The following PDE3B variants were observed in gnomAD, a reference collection of about 807,000 sequenced individuals.
PDE3B encodes phosphodiesterase 3B, also known as cGMP-inhibited 3',5'-cyclic phosphodiesterase 3B.
PDE3B carries 66 observed loss-of-function variants against 116.8 expected under a neutral mutation model. That is an observed-to-expected ratio of 0.56 (90% confidence interval 0.46 to 0.69). The LOEUF (loss-of-function observed/expected upper bound fraction) is 0.69. Ranked by LOEUF, PDE3B falls within the 30% of genes least tolerant of loss-of-function variation. PDE3B has a pLI of 0.00. For synonymous variants in PDE3B, 595 were observed against 533.6 expected (o/e 1.12, Z -1.59); for missense variants, 1,384 against 1,368.1 (o/e 1.01, Z -0.18).
Position 14,832,584 on chromosome 11 carries a change from G to A in PDE3B, c.2095-138G>A, listed in dbSNP as rs531853165. 38 of 404,100 alleles carry A rather than the reference G, an allele frequency of 9.4e-5. No homozygotes were observed. In the South Asian group the frequency reaches 2.3e-3, roughly 25 times the overall value. The allele number at this position is 404,100 out of a possible 1,614,324, so 25.0% of individuals were successfully genotyped here. ...ATTTTTTTGAAAGAATTAATTGTAG[G>A]CAAGTTTTAAATAAATTATTAAAGA... is the stretch of plus-strand genomic sequence containing the variant. On this transcript the variant is annotated intron_variant, in intron 9 of 15. Transcript: ENST00000282096.
intron 7 of PDE3B, among the ~76,000 whole-genome samples, chr11:14,827,333 A>T (rs1859727682): frequency 6.6e-6 from 1 of 152,156 alleles, no homozygotes; most frequent in South Asian, 2.1e-4. Flanking sequence ...ATCAGGAAAG[A>T]GAAAGAAATA....
At chr11:14,830,672 A>G in intron 7 of PDE3B, 26 bp from the exon 8 acceptor site, 1 of 1,190,212 alleles carries the variant, frequency 8.4e-7, no homozygotes, top group Non-Finnish European at 1.2e-6. Context: ...TTACTCCTAT[A>G]TATTACTATA....
chr11:14,838,961 T>C (rs1459292337), intron 11 of PDE3B, among the ~76,000 whole-genome samples: 1 of 152,202 alleles, frequency 6.6e-6, no homozygotes, highest in Non-Finnish European at 1.5e-5. Context: ...TGTTAAGATG[T>C]TGAAATGGGG....
rs1205249986 is a variant in PDE3B at position 14,786,490 on chromosome 11, T to C, written c.1083T>C (p.Asn361=). 6.2e-7 allele frequency: 1 copy of C among 1,612,134 alleles called. No homozygotes were observed. Among genetic ancestry groups the C allele is most frequent in the Non-Finnish European group, 8.5e-7 (1 of 1,178,502 alleles). Residue 361 remains asparagine, a synonymous_variant, in exon 3 of 16, where the codon AAT becomes AAC. Coordinates refer to ENST00000282096, the MANE Select transcript of PDE3B (RefSeq NM_000922.4). Reference sequence around the variant, plus strand: ...TTTCAGTGCTAAATGAGGCTCGCAATATGGTGTCAGATCTTCTGACTGATC... The same window carrying C: ...TTTCAGTGCTAAATGAGGCTCGCAACATGGTGTCAGATCTTCTGACTGATC... ...VDLSVLNEAR[N]MVSDLLTDPS... is the part of the protein sequence containing the mutation.
intron 1 of PDE3B, among the ~76,000 whole-genome samples, chr11:14,712,148 C>T (rs546354180): frequency 6.0e-4 from 91 of 152,244 alleles, no homozygotes; most frequent in African/African-American, 2.0e-3. Context: ...TGCGGTAATG[C>T]GATCATAGCT....
chr11:14,845,757 A>C (rs1847585359), intron 12 of PDE3B, among the ~76,000 whole-genome samples: 1 of 152,234 alleles, frequency 6.6e-6, no homozygotes, highest in Non-Finnish European at 1.5e-5. Context: ...AGATGAAACG[A>C]ATGAAATGAA....
chr11:14,809,880 C>A (rs1017531942), intron 5 of PDE3B, among the ~76,000 whole-genome samples: 1 of 138,946 alleles, frequency 7.2e-6, no homozygotes, highest in Non-Finnish European at 1.6e-5. Flanking sequence ...TACAAATTGC[C>A]CAGACTAAAG....
rs111280188 is a variant in PDE3B at position 14,690,616 on chromosome 11, C to CTT, written c.978+45578_978+45579dup. Among the ~76,000 whole-genome samples, 6 of 134,272 alleles carry CTT rather than the reference C, an allele frequency of 4.5e-5. No individual in the cohort carries two copies. In the South Asian group the frequency reaches 7.2e-4, roughly 16 times the overall value. 88.1% of individuals were successfully genotyped at this position (134,272 alleles called of 152,430 possible). ...AATTTTGTATTTGTAATTTTGCTTC[C>CTT]TTTTTTTTTTTTTTTTAAAGAAGGC... On this transcript the variant is annotated intron_variant, in intron 1 of 15. Transcript: ENST00000282096.
intron 1 of PDE3B, among the ~76,000 whole-genome samples, chr11:14,756,800 T>TTTTC (rs369252392): frequency 1.9e-5 from 1 of 53,290 alleles, no homozygotes; most frequent in African/African-American, 1.1e-4. Context: ...TTTTAAGTGC[T>TTTTC]TATTTTTTTT....
chr11:14,762,455 T>C (rs1857388280), intron 1 of PDE3B, among the ~76,000 whole-genome samples: 1 of 152,230 alleles, frequency 6.6e-6, no homozygotes, highest in African/African-American at 2.4e-5. Context: ...TTATTGAACT[T>C]TCCTGGCCTG....
At chr11:14,710,474 G>T (rs1488228687) in intron 1 of PDE3B, among the ~76,000 whole-genome samples, 2 of 152,116 alleles carry the variant, frequency 1.3e-5, no homozygotes, top group Non-Finnish European at 2.9e-5. Flanking sequence ...ATAATGGTAG[G>T]TTCACGTCTG....
At chr11:14,701,011 A>G (rs1190005328) in intron 1 of PDE3B, 4 of 151,728 alleles carry the variant, frequency 2.6e-5, no homozygotes, top group Non-Finnish European at 5.9e-5. Flanking sequence ...CTGAGTGCCT[A>G]TCATGTACAT....
the PDE3B span, among the ~76,000 whole-genome samples, chr11:14,882,655 T>C: frequency 2.0e-5 from 3 of 152,008 alleles, no homozygotes; most frequent in African/African-American, 7.3e-5. Flanking sequence ...ACAACACATA[T>C]CAACATAGTG....
At chr11:14,792,576 C>G (rs1250923181) in intron 4 of PDE3B, among the ~76,000 whole-genome samples, 1 of 152,118 alleles carries the variant, frequency 6.6e-6, no homozygotes, top group Non-Finnish European at 1.5e-5. Flanking sequence ...CCCCATTGAA[C>G]AGCGACCCTG....
At chr11:14,873,171 G>C (rs1555009293), downstream of PDE3B, among the ~76,000 whole-genome samples, 1 of 152,176 alleles carries the variant, frequency 6.6e-6, no homozygotes, top group Non-Finnish European at 1.5e-5. Flanking sequence ...GATGTAATCT[G>C]AAGTAACCTA....
chr11:14,660,094 A>G (rs1853844819), intron 1 of PDE3B, among the ~76,000 whole-genome samples: 1 of 152,188 alleles, frequency 6.6e-6, no homozygotes, highest in African/African-American at 2.4e-5. Flanking sequence ...TAGGCAATTA[A>G]AATCCTCCGA....
At chr11:14,697,346 C>T (rs1855236794) in intron 1 of PDE3B, among the ~76,000 whole-genome samples, 2 of 152,270 alleles carry the variant, frequency 1.3e-5, no homozygotes, top group Admixed American at 1.3e-4. Flanking sequence ...AGTGCTCTAG[C>T]ACCATTAATT....
intron 11 of PDE3B, among the ~76,000 whole-genome samples, chr11:14,840,190 A>AGTCTC (rs1270573023): frequency 3.3e-5 from 5 of 152,314 alleles, no homozygotes; most frequent in African/African-American, 1.2e-4. Context: ...TCCCCTTTGG[A>AGTCTC]GTCTCTAGAA....
At chr11:14,689,830 C>T (rs1226462996) in intron 1 of PDE3B, among the ~76,000 whole-genome samples, 7 of 152,124 alleles carry the variant, frequency 4.6e-5, no homozygotes, top group African/African-American at 1.7e-4. Context: ...TTCACATGGG[C>T]ATATGTTTCT....
Sources: gnomAD v4.1 joint callset for allele counts (sites outside exome capture counted in the v4.1 genomes callset) on GRCh38, gnomAD v4.1.1 for gene constraint, MANE v1.5 for transcripts, NCBI Gene and HGNC (gene_info 2026-07-23, HGNC 2026-07-21) for gene names.